The following MSRB3 variants were observed in gnomAD, a reference collection of about 807,000 sequenced individuals.
The protein encoded by MSRB3 is methionine sulfoxide reductase B3.
In MSRB3, 13 loss-of-function variants were observed where a neutral mutation model predicts 21.0. The ratio of observed to expected loss-of-function variants is 0.62; its 90% CI spans 0.40 to 0.98. The LOEUF (loss-of-function observed/expected upper bound fraction) is 0.98. MSRB3 is among the 50% of genes least tolerant of loss of function. The probability of loss-of-function intolerance (pLI) is 0.00; values close to 1 mark genes in which losing one functional copy is unlikely to be tolerated. For synonymous variants in MSRB3, 87 were observed against 88.6 expected, an observed-to-expected ratio of 0.98 and a Z score of 0.10; for missense variants, 199 against 230.3, an observed-to-expected ratio of 0.86 and a Z score of 0.88.
chr12:65,415,930 TGCATCCCTG>T (rs956544049), intron 5 of MSRB3, among the ~76,000 whole-genome samples: 21 of 152,294 alleles, frequency 1.4e-4, no homozygotes, highest in African/African-American at 4.3e-4. Flanking sequence ...ACCTAAGGAT[TGCATCCCTG>T]GCCACCAGAT....
chr12:65,419,067 C>T (rs1242436621), intron 5 of MSRB3: 11 of 699,140 alleles, frequency 1.6e-5, no homozygotes, highest in Non-Finnish European at 2.6e-5. Context: ...AGCTGGCCTT[C>T]AGATTTCTCA....
At chr12:65,398,966 A>G (rs1879967062) in intron 5 of MSRB3, among the ~76,000 whole-genome samples, 1 of 152,064 alleles carries the variant, frequency 6.6e-6, no homozygotes, top group African/African-American at 2.4e-5. Context: ...CTTGGTCTAT[A>G]TATCAATTTT....
At chr12:65,376,436 C>T (rs1013806615) in intron 5 of MSRB3, among the ~76,000 whole-genome samples, 1 of 152,092 alleles carries the variant, frequency 6.6e-6, no homozygotes, top group East Asian at 1.9e-4. Flanking sequence ...TAGATATTAC[C>T]ATCCCTGTGT....
At chr12:65,298,192 C>T (rs1873097951) in intron 1 of MSRB3, among the ~76,000 whole-genome samples, 1 of 152,068 alleles carries the variant, frequency 6.6e-6, no homozygotes, top group Admixed American at 6.6e-5. Flanking sequence ...TTGGTAGAAA[C>T]AGGGTTTCAC....
rs955396723 is a variant in MSRB3, at chr12:65,368,890, A to G, written c.264-108A>G. 1.1e-5 allele frequency: 8 copies of G among 713,868 alleles called. No individual in the cohort carries two copies. In the Admixed American group the frequency reaches 1.8e-4, roughly 16 times the overall value. 44.2% of individuals were successfully genotyped at this position (713,868 alleles called of 1,614,324 possible). Reference sequence around the variant, plus strand: ...ATTAACATTTTAGAAATATACACTGAAAAATGTAACTATTACCTCCCCTCC... The same window carrying G: ...ATTAACATTTTAGAAATATACACTGGAAAATGTAACTATTACCTCCCCTCC... On this transcript the variant is annotated intron_variant, in intron 4 of 6. Coordinates refer to ENST00000308259, the MANE Select transcript of MSRB3 (RefSeq NM_001031679.3).
intron 2 of MSRB3, among the ~76,000 whole-genome samples, chr12:65,323,436 A>G (rs1395696444): frequency 2.0e-5 from 3 of 152,250 alleles, no homozygotes; most frequent in African/African-American, 7.2e-5. Context: ...AGATACCAAA[A>G]TGGCAATATT....
intron 5 of MSRB3, among the ~76,000 whole-genome samples, chr12:65,434,124 T>C (rs144353998): frequency 1.2e-3 from 178 of 152,002 alleles, no homozygotes; most frequent in Middle Eastern, 0.01. Flanking sequence ...TTTTTCTTTT[T>C]TTGAAAATTA....
chr12:65,397,529 G>A (rs1240060327), intron 5 of MSRB3, among the ~76,000 whole-genome samples: 1 of 151,898 alleles, frequency 6.6e-6, no homozygotes, highest in Non-Finnish European at 1.5e-5. Flanking sequence ...TTTTAATTGA[G>A]CATTTTGTAT....
intron 5 of MSRB3, among the ~76,000 whole-genome samples, chr12:65,387,717 A>T (rs1285076446): frequency 6.6e-6 from 1 of 152,180 alleles, no homozygotes; most frequent in Non-Finnish European, 1.5e-5. Flanking sequence ...TGCCTACCTC[A>T]ATGTTATGAG....
chr12:65,452,703 T>C (rs571372798), intron 5 of MSRB3, among the ~76,000 whole-genome samples: 1 of 152,302 alleles, frequency 6.6e-6, no homozygotes, highest in South Asian at 2.1e-4. Flanking sequence ...TCTGTTTTGT[T>C]TGAAACTAAA....
At chr12:65,313,793 G>A (rs773216401) in intron 2 of MSRB3, among the ~76,000 whole-genome samples, 16 of 151,970 alleles carry the variant, frequency 1.1e-4, no homozygotes, top group South Asian at 8.3e-4. Context: ...TTAAAATGCC[G>A]AGGAGAGGAT....
intron 1 of MSRB3, among the ~76,000 whole-genome samples, chr12:65,301,667 A>C (rs545571924): frequency 1.4e-4 from 22 of 152,336 alleles, no homozygotes; most frequent in African/African-American, 5.0e-4. Flanking sequence ...AATGGGTTTT[A>C]ATGTAACAGT....
At chr12:65,332,032 C>T (rs1490861910) in intron 4 of MSRB3, among the ~76,000 whole-genome samples, 1 of 152,218 alleles carries the variant, frequency 6.6e-6, no homozygotes. Flanking sequence ...CAAAGTTAGA[C>T]CTCATGCTGG....
At chr12:65,339,683 A>C (rs1876014534) in intron 4 of MSRB3, among the ~76,000 whole-genome samples, 1 of 152,162 alleles carries the variant, frequency 6.6e-6, no homozygotes, top group Non-Finnish European at 1.5e-5. Flanking sequence ...TTTAATTATA[A>C]ATTTACGTAA....
intron 4 of MSRB3, 42 bp from the exon 5 acceptor site, chr12:65,368,956 C>A: frequency 7.9e-6 from 5 of 632,810 alleles, no homozygotes; most frequent in Admixed American, 2.6e-5. Context: ...TGTTCTTTTA[C>A]AAACAGTTTT....
chr12:65,298,003 C>CT (rs58659084), intron 1 of MSRB3, among the ~76,000 whole-genome samples: 6,185 of 145,492 alleles, frequency 0.043, 212 homozygotes, highest in African/African-American at 0.092. Flanking sequence ...GATGGGTCTA[C>CT]TTTTTTTTTT....
intron 6 of MSRB3, among the ~76,000 whole-genome samples, chr12:65,456,956 A>C (rs1374750533): frequency 6.6e-6 from 1 of 151,974 alleles, no homozygotes; most frequent in Non-Finnish European, 1.5e-5. Flanking sequence ...TGTGTGTTCC[A>C]TTCACGTTTA....
intron 1 of MSRB3, among the ~76,000 whole-genome samples, chr12:65,302,546 G>C (rs1873397609): frequency 6.6e-6 from 1 of 151,788 alleles, no homozygotes; most frequent in Non-Finnish European, 1.5e-5. Flanking sequence ...AATTTATATA[G>C]ATGAATTGAG....
intron 2 of MSRB3, among the ~76,000 whole-genome samples, chr12:65,323,624 A>G (rs1445900957): frequency 6.6e-6 from 1 of 152,224 alleles, no homozygotes; most frequent in Admixed American, 6.5e-5. Context: ...ACCCTGTGTA[A>G]TAAGAAAATT....
Sources: gnomAD v4.1 joint callset for allele counts (sites outside exome capture counted in the v4.1 genomes callset) on GRCh38, gnomAD v4.1.1 for gene constraint, MANE v1.5 for transcripts, NCBI Gene and HGNC (gene_info 2026-07-23, HGNC 2026-07-21) for gene names.